GTF2E1: variants seen among roughly 807,000 people sequenced by gnomAD.
GTF2E1 encodes TFIIE alpha subunit.
In GTF2E1, 14 loss-of-function variants were observed where a neutral mutation model predicts 34.9. That is an observed-to-expected ratio of 0.40 (90% CI 0.27 to 0.63). The LOEUF is 0.63. Among genes scored for constraint, GTF2E1 ranks in the 20% least tolerant of loss-of-function variants. GTF2E1 has a pLI of 0.39. For synonymous variants in GTF2E1, 188 were observed against 192.9 expected (o/e 0.97, Z 0.21); for missense variants, 469 against 557.7 (o/e 0.84, Z 1.60).
At chr3:120,771,001 G>A (rs1709346435) in intron 3 of GTF2E1, 72 bp downstream of exon 3, 1 of 1,208,848 alleles carries the variant, frequency 8.3e-7, no homozygotes, top group East Asian at 2.3e-5. Context: ...CTGTACCTTG[G>A]AGAACAAGAG....
intron 2 of GTF2E1, among the ~76,000 whole-genome samples, chr3:120,755,497 T>C (rs1709200646): frequency 6.6e-6 from 1 of 152,134 alleles, no homozygotes; most frequent in Non-Finnish European, 1.5e-5. Flanking sequence ...AAAAGAAATT[T>C]TTTGTGGCTA....
chr3:120,760,761 C>T (rs1003033673), intron 2 of GTF2E1, among the ~76,000 whole-genome samples: 6 of 152,080 alleles, frequency 3.9e-5, no homozygotes, highest in Admixed American at 3.3e-4. Context: ...AGCCTTGCAT[C>T]CCAGCGATGA....
At chr3:120,756,911 G>A (rs1709214669) in intron 2 of GTF2E1, among the ~76,000 whole-genome samples, 2 of 152,146 alleles carry the variant, frequency 1.3e-5, no homozygotes, top group South Asian at 4.1e-4. Flanking sequence ...GGGCGACAGA[G>A]TGAAACTTCA....
intron 2 of GTF2E1, among the ~76,000 whole-genome samples, chr3:120,760,083 C>A (rs1709246697): frequency 6.6e-6 from 1 of 152,302 alleles, no homozygotes; most frequent in Non-Finnish European, 1.5e-5. Flanking sequence ...ATGGAATGTT[C>A]TTCCATTTGT....
chr3:120,747,401 C>A (rs9872831), intron 1 of GTF2E1, among the ~76,000 whole-genome samples: 30,503 of 151,920 alleles, frequency 0.2, 3,556 homozygotes, highest in East Asian at 0.36. Context: ...TCCCCGCTCC[C>A]TCCTCCCCAC....
rs573596006 is a variant in GTF2E1, at chr3:120,760,031, G to A, written c.448+9031G>A. Among the ~76,000 whole-genome samples the A allele has an allele frequency of 5.9e-5, 9 of 152,296 alleles. No homozygotes were observed. In the South Asian group the frequency reaches 8.3e-4, roughly 14 times the overall value. On this transcript the variant is annotated intron_variant, in intron 2 of 4. Transcript: ENST00000283875. ...TTGAATCTATAAATTACCTTGGACA[G>A]GATGGCCATTTTCACGATATTGATT...
intron 1 of GTF2E1, among the ~76,000 whole-genome samples, chr3:120,744,943 G>A (rs1709092757): frequency 6.7e-6 from 1 of 149,752 alleles, no homozygotes; most frequent in African/African-American, 2.5e-5. Flanking sequence ...TTTTTTTTGA[G>A]GGTCCTGTCC....
Position 120,781,249 on chromosome 3 carries a change from C to T in GTF2E1, c.1099C>T (p.Pro367Ser). 1 of 1,614,122 alleles carries T rather than the reference C, an allele frequency of 6.2e-7. No individual in the cohort carries two copies. The highest frequency in any genetic ancestry group is 8.5e-7 in the Non-Finnish European group (1 of 1,179,982). ...ETSESDDDSP[P>S]RPAAVAVHKR... ...CAGTGAGTCAGATGATGATTCTCCA[C>T]CCCGTCCGGCAGCTGTGGCTGTGCA... The change falls in exon 5 of 5, where the codon CCC (proline) becomes TCC (serine). Residue 367 changes from proline to serine, a missense_variant. Coordinates refer to ENST00000283875, the MANE Select transcript of GTF2E1 (RefSeq NM_005513.3).
intron 2 of GTF2E1, among the ~76,000 whole-genome samples, chr3:120,757,852 T>TTCTTTTA (rs1709222030): frequency 6.6e-6 from 1 of 152,236 alleles, no homozygotes; most frequent in Non-Finnish European, 1.5e-5. Flanking sequence ...TTCGTTTTCT[T>TTCTTTTA]TCTTTTAAAA....
intron 2 of GTF2E1, among the ~76,000 whole-genome samples, chr3:120,766,454 G>A (rs1709308327): frequency 6.6e-6 from 1 of 151,986 alleles, no homozygotes; most frequent in South Asian, 2.1e-4. Flanking sequence ...AGTTTATCTT[G>A]TTAAGTCTGT....
intron 1 of GTF2E1, among the ~76,000 whole-genome samples, chr3:120,744,630 G>T (rs551157210): frequency 6.6e-6 from 1 of 152,120 alleles, no homozygotes; most frequent in Admixed American, 6.5e-5. Flanking sequence ...AATATATTTT[G>T]TTGGGTCCTT....
chr3:120,766,577 AC>A (rs1286469729), intron 2 of GTF2E1, among the ~76,000 whole-genome samples: 1 of 150,762 alleles, frequency 6.6e-6, no homozygotes, highest in Non-Finnish European at 1.5e-5. Flanking sequence ...CTGTTCCCTT[AC>A]CCCTTCATCT....
chr3:120,776,981 T>C (rs1448454229), intron 4 of GTF2E1, among the ~76,000 whole-genome samples: 1 of 152,190 alleles, frequency 6.6e-6, no homozygotes, highest in Non-Finnish European at 1.5e-5. Context: ...TCCTTTAATC[T>C]TATATTACCC....
At position 120,781,505 on chromosome 3, in the gene GTF2E1, C is replaced by A. The variant is rs372289349; in HGVS notation, c.*35C>A. On this transcript the variant is annotated 3_prime_UTR_variant, in exon 5 of 5. Transcript: ENST00000283875. ...AATTCTTTCTCCTTTCTCTAATGCT[C>A]AGTTCAAAAAGGAATGTCTCATCTT... 9 of 1,529,126 alleles carry A rather than the reference C, an allele frequency of 5.9e-6. No homozygotes were observed. The Admixed American group carries it at 1.6e-4, about 27-fold the overall frequency. The allele number at this position is 1,529,126 out of a possible 1,614,324, so 94.7% of individuals were successfully genotyped here. A position where few individuals can be genotyped will look rare whatever the true frequency, so the allele number is the denominator to read the frequency against.
chr3:120,760,904 T>C (rs1039707980), intron 2 of GTF2E1, among the ~76,000 whole-genome samples: 2 of 152,214 alleles, frequency 1.3e-5, no homozygotes, highest in African/African-American at 4.8e-5. Flanking sequence ...GTTGTGTCTC[T>C]ACCAGGCTTT....
At chr3:120,754,979 A>C (rs936914984) in intron 2 of GTF2E1, among the ~76,000 whole-genome samples, 12 of 152,138 alleles carry the variant, frequency 7.9e-5, no homozygotes, top group African/African-American at 2.7e-4. Flanking sequence ...ATACATTGCT[A>C]GGCTGTTTTA....
intron 1 of GTF2E1, among the ~76,000 whole-genome samples, chr3:120,747,068 G>T (rs557136861): frequency 6.6e-6 from 1 of 151,736 alleles, no homozygotes; most frequent in Admixed American, 6.6e-5. Flanking sequence ...TGTGTACTCT[G>T]AATTTCAAAG....
At chr3:120,752,268 A>G (rs1326693817) in intron 2 of GTF2E1, among the ~76,000 whole-genome samples, 1 of 152,222 alleles carries the variant, frequency 6.6e-6, no homozygotes, top group Non-Finnish European at 1.5e-5. Flanking sequence ...GAATTGCTTG[A>G]GTGTTCTATA....
chr3:120,766,060 C>T (rs963959424), intron 2 of GTF2E1, among the ~76,000 whole-genome samples: 2 of 152,178 alleles, frequency 1.3e-5, no homozygotes, highest in African/African-American at 4.8e-5. Flanking sequence ...TCTATGTACA[C>T]TACTTAGTGT....
Sources: allele counts gnomAD v4.1 joint callset (sites outside exome capture counted in the v4.1 genomes callset), GRCh38; gene constraint gnomAD v4.1.1; transcripts MANE v1.5; gene names NCBI Gene and HGNC (gene_info 2026-07-23, HGNC 2026-07-21).